Variants in CPB2 observed in about 807,000 individuals in gnomAD.
The protein encoded by CPB2 is carboxypeptidase B-like protein.
In CPB2, 54 loss-of-function variants were observed where a neutral mutation model predicts 57.0. The ratio of observed to expected loss-of-function variants is 0.95; its 90% CI spans 0.76 to 1.19. CPB2 has a LOEUF of 1.19. Ranked by LOEUF, CPB2 falls within the 50% of genes most tolerant of loss-of-function variation. The probability of loss-of-function intolerance (pLI) is 0.00; values close to 1 mark genes in which losing one functional copy is unlikely to be tolerated. For synonymous variants in CPB2, 189 were observed against 178.1 expected, an observed-to-expected ratio of 1.06 and a Z score of -0.49; for missense variants, 426 against 512.0, an observed-to-expected ratio of 0.83 and a Z score of 1.62.
chr13:46,084,350 T>C lies in CPB2; in HGVS notation c.151-7A>G, dbSNP rs777407872. ...CCGGCTGCCAGAGAACAATCTACAGTTTAAGGGGCAAAATTGATAAAATTA... is the reference window on the plus strand; with the variant it reads ...CCGGCTGCCAGAGAACAATCTACAGCTTAAGGGGCAAAATTGATAAAATTA... On this transcript the variant is annotated splice_region_variant and splice_polypyrimidine_tract_variant and intron_variant, in intron 2 of 10. Coordinates refer to ENST00000181383, the MANE Select transcript of CPB2 (RefSeq NM_001872.5). 2.5e-6 allele frequency: 4 copies of C among 1,613,732 alleles called. No individual in the cohort carries two copies. The highest frequency in any genetic ancestry group is 1.1e-5 in the South Asian group (1 of 91,012).
chr13:46,062,467 C>A (rs1405816167), intron 8 of CPB2, among the ~76,000 whole-genome samples: 1 of 152,076 alleles, frequency 6.6e-6, no homozygotes, highest in Non-Finnish European at 1.5e-5. Flanking sequence ...TACTTAGATT[C>A]TTTTTACATG....
chr13:46,088,701 T>C (rs959046698), intron 1 of CPB2, among the ~76,000 whole-genome samples: 3 of 152,214 alleles, frequency 2.0e-5, no homozygotes, highest in Non-Finnish European at 4.4e-5. Flanking sequence ...TGCAATCAAA[T>C]TTTTATGAAA....
At chr13:46,088,572 T>C (rs2045244585) in intron 1 of CPB2, among the ~76,000 whole-genome samples, 1 of 152,242 alleles carries the variant, frequency 6.6e-6, no homozygotes, top group Non-Finnish European at 1.5e-5. Flanking sequence ...TTTCATAGGA[T>C]AGTGTCATAT....
intron 8 of CPB2, among the ~76,000 whole-genome samples, chr13:46,063,309 T>TCC (rs1398858292): frequency 6.6e-6 from 1 of 152,134 alleles, no homozygotes; most frequent in Non-Finnish European, 1.5e-5. Flanking sequence ...TTCAACTCTT[T>TCC]CCCCTCTCTC....
At chr13:46,063,097 G>A (rs2044799425) in intron 8 of CPB2, among the ~76,000 whole-genome samples, 2 of 152,198 alleles carry the variant, frequency 1.3e-5, no homozygotes, top group African/African-American at 4.8e-5. Flanking sequence ...TTTCTGAAAT[G>A]TAGTACTATG....
At chr13:46,098,910 C>CAGG (rs1259084894) in intron 1 of CPB2, 2 of 152,210 alleles carry the variant, frequency 1.3e-5, no homozygotes, top group Non-Finnish European at 2.9e-5. Flanking sequence ...ATCTTCATCT[C>CAGG]AGGAGTCTGT....
chr13:46,065,225 C>T (rs995113394), intron 7 of CPB2, among the ~76,000 whole-genome samples: 1 of 152,144 alleles, frequency 6.6e-6, no homozygotes, highest in African/African-American at 2.4e-5. Flanking sequence ...GTGAAGACAC[C>T]TTTAATCTGA....
chr13:46,058,325 A>G lies in CPB2; in HGVS notation c.853T>C (p.Ser285Pro). 1 of 1,614,084 alleles carries G rather than the reference A, an allele frequency of 6.2e-7. No individual in the cohort carries two copies. The highest frequency in any genetic ancestry group is 1.1e-5 in the South Asian group (1 of 91,082). Reference protein sequence around the residue: ...SETYCGLYPESEPEVKAVASF... With the variant: ...SETYCGLYPEPEPEVKAVASF... ...GCCACTGCCTTCACTTCTGGTTCTGACTCAGGATAAAGTCCACAGTAGGTT... is the reference window on the plus strand; with the variant it reads ...GCCACTGCCTTCACTTCTGGTTCTGGCTCAGGATAAAGTCCACAGTAGGTT... The change falls in exon 9 of 11, where the codon TCA becomes CCA. Residue 285 changes from serine to proline, a missense_variant. By Grantham distance (74) the Ser-to-Pro change is moderately conservative. Coordinates refer to ENST00000181383, the MANE Select transcript of CPB2 (RefSeq NM_001872.5).
At chr13:46,086,119 C>T (rs2045199671) in intron 2 of CPB2, among the ~76,000 whole-genome samples, 1 of 152,104 alleles carries the variant, frequency 6.6e-6, no homozygotes, top group African/African-American at 2.4e-5. Flanking sequence ...AGTTTGGAGA[C>T]GTCAGGAACC....
chr13:46,077,492 C>T (rs539117627), intron 5 of CPB2, among the ~76,000 whole-genome samples: 1 of 152,238 alleles, frequency 6.6e-6, no homozygotes, highest in Non-Finnish European at 1.5e-5. Flanking sequence ...TAAATTAGTT[C>T]AGCCACTATG....
chr13:46,095,158 C>A (rs977571711), intron 1 of CPB2, among the ~76,000 whole-genome samples: 13 of 152,138 alleles, frequency 8.5e-5, no homozygotes, highest in African/African-American at 2.7e-4. Context: ...ATTCCCCCAT[C>A]ATTATTTCCC....
intron 10 of CPB2, 26 bp downstream of exon 10, chr13:46,055,736 C>T (rs2044688194): frequency 7.1e-7 from 1 of 1,410,768 alleles, no homozygotes; most frequent in African/African-American, 1.4e-5. Context: ...TCAAAGTTCT[C>T]TAAGATCATA....
chr13:46,072,429 G>A (rs766255752), intron 6 of CPB2, among the ~76,000 whole-genome samples: 22 of 152,096 alleles, frequency 1.4e-4, no homozygotes, highest in Non-Finnish European at 1.2e-4. Flanking sequence ...GAGTTTAAAT[G>A]TCGATTTAAA....
At chr13:46,089,657 G>C (rs1038026320) in intron 1 of CPB2, among the ~76,000 whole-genome samples, 1 of 152,122 alleles carries the variant, frequency 6.6e-6, no homozygotes, top group Non-Finnish European at 1.5e-5. Context: ...GAGGGTTTTG[G>C]GAGGTGATTA....
chr13:46,074,472 C>T (rs1326399), intron 5 of CPB2, among the ~76,000 whole-genome samples: 52,223 of 151,894 alleles, frequency 0.34, 9,200 homozygotes, highest in African/African-American at 0.39. Context: ...AAAAGAAGCA[C>T]ACATCTAACC....
rs2044619665 is a variant in CPB2 at position 46,053,629 on chromosome 13, G to C, written c.1257C>G (p.Val419=). The C allele has an allele frequency of 6.2e-7, 1 of 1,613,858 alleles. No individual in the cohort carries two copies. Among genetic ancestry groups the C allele is most frequent in the African/African-American group, 1.3e-5 (1 of 74,910 alleles). The stretch of plus-strand genomic sequence containing the variant: ...ATCAGGGGCATTAAACATTCCTAAT[G>C]ACATGCCAAGCTATTTTAGAGACAG... The part of the protein sequence containing the change: ...FAAVSKIAWH[V]IRNV The change falls in exon 11 of 11, where the codon GTC becomes GTG. Residue 419 remains valine (V), a synonymous_variant. Transcript: ENST00000181383.
At chr13:46,067,532 C>A in intron 6 of CPB2, 115 bp from the exon 7 acceptor site, 1 of 620,160 alleles carries the variant, frequency 1.6e-6, no homozygotes. Flanking sequence ...GCAGATTTAA[C>A]TTTCAGAAAG....
At chr13:46,067,175 T>G in intron 7 of CPB2, 132 bp downstream of exon 7, 1 of 484,658 alleles carries the variant, frequency 2.1e-6, no homozygotes, top group Non-Finnish European at 3.5e-6. Context: ...TTTGACATTT[T>G]CCACAATAAA....
intron 6 of CPB2, among the ~76,000 whole-genome samples, chr13:46,068,723 G>A (rs1426335195): frequency 1.3e-5 from 2 of 150,190 alleles, no homozygotes; most frequent in African/African-American, 2.5e-5. Flanking sequence ...CCCGGTGTGT[G>A]ATGTTCCCCT....
Sources: allele counts gnomAD v4.1 joint callset (sites outside exome capture counted in the v4.1 genomes callset), GRCh38; gene constraint gnomAD v4.1.1; transcripts MANE v1.5; gene names NCBI Gene and HGNC (gene_info 2026-07-23, HGNC 2026-07-21).